Variants in NCKAP5 observed in about 807,000 individuals in gnomAD.
The protein encoded by NCKAP5 is NCK associated protein 5.
A neutral mutation model predicts 167.0 loss-of-function variants in NCKAP5; 92 were observed. The observed-to-expected ratio is 0.55, with a 90% CI of 0.47 to 0.66. The LOEUF (loss-of-function observed/expected upper bound fraction) is 0.66, where lower values mean the gene tolerates loss of function less well. Among genes scored for constraint, NCKAP5 ranks in the 30% least tolerant of loss-of-function variants. The pLI, the probability that NCKAP5 is intolerant of heterozygous loss-of-function variation, is 0.00. For synonymous variants in NCKAP5, 891 were observed against 877.4 expected (o/e 1.02, Z -0.27); for missense variants, 2,378 against 2,315.0 (o/e 1.03, Z -0.56).
Position 132,970,338 on chromosome 2 carries a change from A to G in NCKAP5, c.430-6469T>C, listed in dbSNP as rs533140495. Among the ~76,000 whole-genome samples, 24 of 152,332 alleles carry G rather than the reference A, an allele frequency of 1.6e-4. No individual in the cohort carries two copies. The East Asian group carries it at 4.1e-3, about 26-fold the overall frequency. On this transcript the variant is annotated intron_variant, in intron 7 of 19. Transcript: ENST00000409261. ...AAATGTGTAGTGCTAAATACTGTGT[A>G]TTTGTCTTACGAACCTCCAAAAAGG...
At position 133,469,078 on chromosome 2, in the gene NCKAP5, A is replaced by G. The variant is rs1027258803; in HGVS notation, c.69+48380T>C. On this transcript the variant is annotated intron_variant, in intron 3 of 19. Transcript: ENST00000409261. ...ATGATGTTAGCTGGTGATTTTGCTC[A>G]TTAGTTGATGCAGTTTCTTCCTAGT... is the stretch of plus-strand genomic sequence containing the variant. Among the ~76,000 whole-genome samples, 471 of 150,470 alleles carry G rather than the reference A, an allele frequency of 3.1e-3. 5 individuals are homozygous for G. The highest frequency in any genetic ancestry group is 0.01 in the African/African-American group (429 of 40,988).
chr2:132,935,095 T>C (rs1290123676), intron 8 of NCKAP5, among the ~76,000 whole-genome samples: 1 of 152,182 alleles, frequency 6.6e-6, no homozygotes, highest in Non-Finnish European at 1.5e-5. Context: ...CATGAAGGTA[T>C]CTGGGAAGTG....
chr2:133,054,841 T>C (rs961069936), intron 6 of NCKAP5, among the ~76,000 whole-genome samples: 2 of 152,152 alleles, frequency 1.3e-5, no homozygotes, highest in Non-Finnish European at 2.9e-5. Flanking sequence ...TCACGAGTCA[T>C]ATGCTGACAT....
chr2:133,579,246 G>A, the NCKAP5 span, among the ~76,000 whole-genome samples: 1 of 152,166 alleles, frequency 6.6e-6, no homozygotes, highest in Middle Eastern at 3.2e-3. Context: ...GGCAGAGCTA[G>A]GGTTTTAAAC....
At chr2:132,988,260 C>A (rs982699768) in intron 7 of NCKAP5, among the ~76,000 whole-genome samples, 1 of 151,900 alleles carries the variant, frequency 6.6e-6, no homozygotes, top group Non-Finnish European at 1.5e-5. Flanking sequence ...GTCAGGAGAT[C>A]GAGACCATCA....
At chr2:132,730,222 G>A (rs1690858791) in intron 17 of NCKAP5, among the ~76,000 whole-genome samples, 1 of 152,134 alleles carries the variant, frequency 6.6e-6, no homozygotes, top group Non-Finnish European at 1.5e-5. Flanking sequence ...AGCCAGGTGC[G>A]GTGGCTCATG....
intron 12 of NCKAP5, among the ~76,000 whole-genome samples, chr2:132,793,621 T>C (rs1214781000): frequency 6.6e-6 from 1 of 152,220 alleles, no homozygotes; most frequent in Non-Finnish European, 1.5e-5. Context: ...CAGTCTCTTA[T>C]GTGAGTTCCC....
chr2:133,201,511 T>C (rs13388152), intron 5 of NCKAP5, among the ~76,000 whole-genome samples: 13,457 of 152,168 alleles, frequency 0.088, 1,953 homozygotes, highest in African/African-American at 0.3. Flanking sequence ...GCAAGACTGA[T>C]ACATATATTA....
At chr2:132,688,988 A>AG (rs1208466247) in intron 19 of NCKAP5, among the ~76,000 whole-genome samples, 2 of 150,070 alleles carry the variant, frequency 1.3e-5, no homozygotes, top group African/African-American at 4.9e-5. Flanking sequence ...ACCAACTCAA[A>AG]AAAAAAAAAA....
chr2:132,926,544 T>G (rs180702999), intron 8 of NCKAP5, among the ~76,000 whole-genome samples: 1 of 152,300 alleles, frequency 6.6e-6, no homozygotes, highest in East Asian at 1.9e-4. Context: ...TTTTTGTTTT[T>G]GGTTTTTGTC....
chr2:132,720,100 C>T (rs917715282), intron 19 of NCKAP5, among the ~76,000 whole-genome samples: 4 of 152,172 alleles, frequency 2.6e-5, no homozygotes, highest in Non-Finnish European at 5.9e-5. Flanking sequence ...CTAGGTCTTC[C>T]CCACTTCCTA....
intron 2 of NCKAP5, among the ~76,000 whole-genome samples, chr2:133,547,025 C>T (rs962200159): frequency 2.6e-5 from 4 of 152,080 alleles, no homozygotes; most frequent in African/African-American, 9.7e-5. Flanking sequence ...GTGCGCGCAC[C>T]GTGCGCGAGC....
At chr2:133,118,426 C>T (rs1050728869) in intron 6 of NCKAP5, 1 of 151,504 alleles carries the variant, frequency 6.6e-6, no homozygotes, top group Non-Finnish European at 1.5e-5. Context: ...TATGATGGAC[C>T]AGGTTGGCCA....
At chr2:132,967,817 G>A (rs1027213918) in intron 7 of NCKAP5, among the ~76,000 whole-genome samples, 3 of 152,174 alleles carry the variant, frequency 2.0e-5, no homozygotes, top group Non-Finnish European at 4.4e-5. Context: ...GGTATTAGTA[G>A]CTGGTGGTAA....
chr2:133,575,681 C>G, the NCKAP5 span, among the ~76,000 whole-genome samples: 1 of 152,172 alleles, frequency 6.6e-6, no homozygotes, highest in Non-Finnish European at 1.5e-5. Flanking sequence ...ATAAACAGCT[C>G]AGAGGGTGAT....
the NCKAP5 span, among the ~76,000 whole-genome samples, chr2:133,674,600 A>G: frequency 6.6e-6 from 1 of 152,058 alleles, no homozygotes; most frequent in Non-Finnish European, 1.5e-5. Context: ...CACTTAACAC[A>G]TTGGGTGCTT....
chr2:132,738,847 A>T (rs1006245844), intron 16 of NCKAP5, among the ~76,000 whole-genome samples: 1 of 151,964 alleles, frequency 6.6e-6, no homozygotes, highest in African/African-American at 2.4e-5. Context: ...CTCTCGTGTG[A>T]ACCAATACAG....
At chr2:133,584,466 T>A in the NCKAP5 span, among the ~76,000 whole-genome samples, 2 of 152,098 alleles carry the variant, frequency 1.3e-5, no homozygotes, top group Non-Finnish European at 2.9e-5. Flanking sequence ...ATACTTTTTT[T>A]TAAAAAATGA....
intron 2 of NCKAP5, among the ~76,000 whole-genome samples, chr2:133,519,469 T>C (rs1684297286): frequency 6.6e-6 from 1 of 152,146 alleles, no homozygotes; most frequent in Non-Finnish European, 1.5e-5. Context: ...CCTGCCTACT[T>C]TGTAGCATTC....
Sources: allele counts gnomAD v4.1 joint callset (sites outside exome capture counted in the v4.1 genomes callset), GRCh38; gene constraint gnomAD v4.1.1; transcripts MANE v1.5; gene names NCBI Gene and HGNC (gene_info 2026-07-23, HGNC 2026-07-21).